SYN2: variants seen among roughly 807,000 people sequenced by gnomAD.
SYN2 encodes the protein synapsin II, also known as synapsin-2.
Under a neutral mutation model 50.9 loss-of-function variants are expected in SYN2, and 19 were observed. The observed-to-expected ratio is 0.37, with a 90% CI of 0.26 to 0.55. The LOEUF is 0.55. Among genes scored for constraint, SYN2 ranks in the 20% least tolerant of loss-of-function variants. SYN2 has a pLI of 0.81. For synonymous variants in SYN2, 255 were observed against 224.9 expected, an observed-to-expected ratio of 1.13 and a Z score of -1.20; for missense variants, 587 against 576.4, an observed-to-expected ratio of 1.02 and a Z score of -0.19.
intron 1 of SYN2, among the ~76,000 whole-genome samples, chr3:12,129,762 A>T (rs1696751953): frequency 6.6e-6 from 1 of 152,122 alleles, no homozygotes; most frequent in African/African-American, 2.4e-5. Flanking sequence ...GGAATCAAGA[A>T]ATAGGTCTTT....
At chr3:12,188,627 C>A (rs1022313310) in intron 12 of SYN2, among the ~76,000 whole-genome samples, 5 of 150,876 alleles carry the variant, frequency 3.3e-5, no homozygotes, top group African/African-American at 1.2e-4. Flanking sequence ...TTTTTTTTCT[C>A]AAAGCCGAGC....
intron 1 of SYN2, among the ~76,000 whole-genome samples, chr3:12,042,488 A>G (rs1434157947): frequency 6.6e-6 from 1 of 152,128 alleles, no homozygotes; most frequent in East Asian, 1.9e-4. Context: ...AATACTATGG[A>G]ATTATCCTGG....
intron 1 of SYN2, among the ~76,000 whole-genome samples, chr3:12,067,227 G>C (rs1341727697): frequency 6.6e-6 from 1 of 152,074 alleles, no homozygotes; most frequent in Non-Finnish European, 1.5e-5. Context: ...GCAGATTTTA[G>C]CATGGGAAAA....
At chr3:12,115,990 G>A (rs1298170322) in intron 1 of SYN2, among the ~76,000 whole-genome samples, 1 of 152,088 alleles carries the variant, frequency 6.6e-6, no homozygotes, top group African/African-American at 2.4e-5. Flanking sequence ...TTTTAACTAG[G>A]CGTTTCTCAG....
chr3:12,167,745 G>C (rs925669032), intron 8 of SYN2, among the ~76,000 whole-genome samples: 4 of 152,168 alleles, frequency 2.6e-5, no homozygotes, highest in Non-Finnish European at 5.9e-5. Flanking sequence ...GAGGTTAGAA[G>C]AGTTTGAAGG....
At chr3:12,063,666 G>A (rs552909008) in intron 1 of SYN2, among the ~76,000 whole-genome samples, 1 of 152,040 alleles carries the variant, frequency 6.6e-6, no homozygotes, top group South Asian at 2.1e-4. Context: ...AATATTTATG[G>A]ATATTTTTAA....
At chr3:12,036,036 CTT>C (rs1694491833) in intron 1 of SYN2, among the ~76,000 whole-genome samples, 1 of 152,134 alleles carries the variant, frequency 6.6e-6, no homozygotes, top group Non-Finnish European at 1.5e-5. Context: ...TCAGATGGCT[CTT>C]TGGTTTTTAA....
chr3:12,016,089 TC>T (rs1437860203), intron 1 of SYN2, among the ~76,000 whole-genome samples: 5 of 152,220 alleles, frequency 3.3e-5, no homozygotes, highest in Admixed American at 3.3e-4. Context: ...CTTTTATATT[TC>T]TAGATTCCAG....
chr3:12,127,489 A>C (rs1055279767), intron 1 of SYN2, among the ~76,000 whole-genome samples: 7 of 152,198 alleles, frequency 4.6e-5, no homozygotes, highest in Non-Finnish European at 1.5e-5. Context: ...GTGTGGTTCC[A>C]TGTTGCTAAA....
intron 1 of SYN2, among the ~76,000 whole-genome samples, chr3:12,023,232 T>C (rs1694183092): frequency 6.6e-6 from 1 of 152,164 alleles, no homozygotes; most frequent in Non-Finnish European, 1.5e-5. Context: ...ATCACCATCA[T>C]GTAGGAAGCT....
rs763591308 is a variant in SYN2, at chr3:12,162,063, C to G, written c.889C>G (p.Leu297Val). ...DFQDIASVVALTQTYATAEPF... is the reference protein window; with the variant it reads ...DFQDIASVVAVTQTYATAEPF... ...CCAGGACATTGCCAGCGTGGTGGCT[C>G]TCACCCAGACCTATGCCACTGCAGA... Residue 297 changes from leucine to valine, a missense_variant, in exon 7 of 13, where the codon CTC (leucine) becomes GTC (valine). Leu to Val is a conservative substitution (Grantham distance 32). Coordinates refer to ENST00000621198, the MANE Select transcript of SYN2 (RefSeq NM_133625.6). 2.8e-5 allele frequency: 45 copies of G among 1,614,050 alleles called. No homozygotes were observed. The highest frequency in any genetic ancestry group is 3.7e-5 in the Non-Finnish European group (44 of 1,179,934).
At position 12,021,360 on chromosome 3, in the gene SYN2, TTGCAGCACATGG is replaced by T. The variant is rs1438798377; in HGVS notation, c.377+16434_377+16445del. On this transcript the variant is annotated intron_variant, in intron 1 of 12. Coordinates refer to ENST00000621198, the MANE Select transcript of SYN2 (RefSeq NM_133625.6). ...GTCTATCAACCATTTTTACCTCACT[TTGCAGCACATGG>T]TATTATCTTTTTTAGTGTTAATATC... is the stretch of plus-strand genomic sequence containing the variant. Among the ~76,000 whole-genome samples the T allele has an allele frequency of 2.6e-5, 4 of 152,344 alleles. No individual in the cohort carries two copies. The East Asian group carries it at 7.7e-4, about 29-fold the overall frequency.
chr3:12,185,020 C>G (rs1313014104), intron 11 of SYN2: 1 of 985,784 alleles, frequency 1.0e-6, no homozygotes, highest in African/African-American at 1.7e-5. Context: ...GGGGCTTGTG[C>G]CTTGGTTTCT....
intron 1 of SYN2, among the ~76,000 whole-genome samples, chr3:12,052,945 A>G (rs1402148966): frequency 1.3e-5 from 2 of 152,182 alleles, no homozygotes; most frequent in African/African-American, 4.8e-5. Flanking sequence ...ATCTCTTCTG[A>G]AGATGACCTT....
intron 12 of SYN2, among the ~76,000 whole-genome samples, chr3:12,189,718 G>A (rs557427321): frequency 1.3e-5 from 2 of 152,230 alleles, no homozygotes; most frequent in East Asian, 1.9e-4. Context: ...CAGTAGAATC[G>A]CTTGAACCGG....
At chr3:12,105,326 C>T (rs1696162634) in intron 1 of SYN2, among the ~76,000 whole-genome samples, 1 of 151,948 alleles carries the variant, frequency 6.6e-6, no homozygotes. Flanking sequence ...ATATATCTTA[C>T]CCTTACATGG....
At chr3:12,036,929 A>G (rs1022988731) in intron 1 of SYN2, among the ~76,000 whole-genome samples, 4 of 152,280 alleles carry the variant, frequency 2.6e-5, no homozygotes, top group Admixed American at 2.0e-4. Context: ...CATCTTGAAC[A>G]CTTTGCTGCT....
intron 3 of SYN2, among the ~76,000 whole-genome samples, chr3:12,144,053 A>G (rs1697088968): frequency 6.6e-6 from 1 of 152,202 alleles, no homozygotes; most frequent in East Asian, 1.9e-4. Context: ...ATTGTATATC[A>G]TATGACTCTG....
intron 1 of SYN2, among the ~76,000 whole-genome samples, chr3:12,130,440 T>C (rs1696770966): frequency 6.6e-6 from 1 of 152,130 alleles, no homozygotes; most frequent in African/African-American, 2.4e-5. Context: ...AAAAGCTATG[T>C]CCTTGCTTGA....
Sources: gnomAD v4.1 joint callset for allele counts (sites outside exome capture counted in the v4.1 genomes callset) on GRCh38, gnomAD v4.1.1 for gene constraint, MANE v1.5 for transcripts, NCBI Gene and HGNC (gene_info 2026-07-23, HGNC 2026-07-21) for gene names.